ROBO2: variants seen among roughly 807,000 people sequenced by gnomAD.
ROBO2 encodes roundabout homolog 2.
A neutral mutation model predicts 160.8 loss-of-function variants in ROBO2; 53 were observed. That is an observed-to-expected ratio of 0.33 (90% CI 0.26 to 0.41). The LOEUF (loss-of-function observed/expected upper bound fraction) is 0.41, where lower values mean the gene tolerates loss of function less well. Ranked by LOEUF, ROBO2 falls within the 10% of genes least tolerant of loss-of-function variation. The pLI, the probability that ROBO2 is intolerant of heterozygous loss-of-function variation, is 1.00. For synonymous variants in ROBO2, 664 were observed against 611.7 expected, an observed-to-expected ratio of 1.09 and a Z score of -1.26; for missense variants, 1,577 against 1,722.4, an observed-to-expected ratio of 0.92 and a Z score of 1.49.
chr3:76,273,741 C>T (rs1243761420), intron 2 of ROBO2, among the ~76,000 whole-genome samples: 2 of 152,134 alleles, frequency 1.3e-5, no homozygotes, highest in Non-Finnish European at 2.9e-5. Context: ...GAGGTAACCG[C>T]CCCTGTGATT....
At chr3:77,341,175 A>C (rs1433962990) in intron 2 of ROBO2, among the ~76,000 whole-genome samples, 1 of 152,072 alleles carries the variant, frequency 6.6e-6, no homozygotes, top group Admixed American at 6.6e-5. Flanking sequence ...AAACATTTAC[A>C]TTCTGGCCCT....
intron 2 of ROBO2, among the ~76,000 whole-genome samples, chr3:76,725,284 C>T (rs923748483): frequency 3.3e-5 from 5 of 151,906 alleles, no homozygotes; most frequent in African/African-American, 1.2e-4. Context: ...TCTGTTGATT[C>T]TATTTAATAC....
At chr3:77,150,592 AT>A (rs964451194) in intron 2 of ROBO2, among the ~76,000 whole-genome samples, 224 of 150,980 alleles carry the variant, frequency 1.5e-3, no homozygotes, top group Non-Finnish European at 2.5e-3. Context: ...CAGGTAAACT[AT>A]TTTTTTTTCC....
intron 2 of ROBO2, among the ~76,000 whole-genome samples, chr3:76,965,785 G>GTATATATATATATATATATATA (rs62885160): frequency 7.7e-4 from 100 of 129,172 alleles, no homozygotes; most frequent in African/African-American, 1.6e-3. Context: ...TTGTGTTTGT[G>GTATATATATATATATATATATA]TATATATATA....
At chr3:77,594,604 C>T (rs2094255790) in intron 17 of ROBO2, among the ~76,000 whole-genome samples, 1 of 152,130 alleles carries the variant, frequency 6.6e-6, no homozygotes, top group Admixed American at 6.5e-5. Context: ...TTATAGTTCA[C>T]ACCTGTTGTA....
chr3:76,690,560 C>A (rs1032906978), intron 2 of ROBO2, among the ~76,000 whole-genome samples: 3 of 152,172 alleles, frequency 2.0e-5, no homozygotes, highest in Non-Finnish European at 4.4e-5. Flanking sequence ...AAATAAATTT[C>A]TGTTATTTAT....
intron 2 of ROBO2, among the ~76,000 whole-genome samples, chr3:77,337,144 A>G (rs947215998): frequency 6.6e-6 from 1 of 152,216 alleles, no homozygotes; most frequent in Non-Finnish European, 1.5e-5. Flanking sequence ...AACATCGGCA[A>G]TTTCTAGCTG....
intron 2 of ROBO2, among the ~76,000 whole-genome samples, chr3:76,482,149 C>A (rs2079244510): frequency 6.6e-6 from 1 of 152,096 alleles, no homozygotes; most frequent in Admixed American, 6.6e-5. Flanking sequence ...AACTAATAGC[C>A]AACATAGAAT....
At chr3:76,844,995 T>A (rs2068642905) in intron 2 of ROBO2, among the ~76,000 whole-genome samples, 1 of 151,926 alleles carries the variant, frequency 6.6e-6, no homozygotes. Flanking sequence ...TCTAAACTAT[T>A]TTCAGCCTGG....
chr3:77,382,611 C>T (rs574757018), intron 2 of ROBO2, among the ~76,000 whole-genome samples: 25 of 152,152 alleles, frequency 1.6e-4, no homozygotes, highest in Non-Finnish European at 3.1e-4. Context: ...TACCACTCCA[C>T]TCTGTCTGCC....
chr3:76,123,037 G>A (rs1576950562), intron 2 of ROBO2, among the ~76,000 whole-genome samples: 1 of 151,990 alleles, frequency 6.6e-6, no homozygotes. Context: ...ATGAGCCACC[G>A]TGCCCGACCT....
At chr3:76,383,276 T>A (rs568376193) in intron 2 of ROBO2, among the ~76,000 whole-genome samples, 3 of 152,202 alleles carry the variant, frequency 2.0e-5, no homozygotes, top group Non-Finnish European at 4.4e-5. Flanking sequence ...TTCAACTCTG[T>A]TCCCCTTTAT....
At chr3:75,972,080 G>T (rs2065012259) in intron 2 of ROBO2, among the ~76,000 whole-genome samples, 1 of 151,646 alleles carries the variant, frequency 6.6e-6, no homozygotes, top group Non-Finnish European at 1.5e-5. Context: ...GGAAAATGTT[G>T]CTAAGTCAGT....
chr3:77,323,991 T>G (rs1028377503), intron 2 of ROBO2, among the ~76,000 whole-genome samples: 4 of 152,180 alleles, frequency 2.6e-5, no homozygotes, highest in Admixed American at 2.6e-4. Context: ...TCTGTTAGTG[T>G]ATATTCAGAT....
intron 2 of ROBO2, among the ~76,000 whole-genome samples, chr3:76,375,372 T>G (rs1335237351): frequency 6.6e-6 from 1 of 151,976 alleles, no homozygotes; most frequent in Non-Finnish European, 1.5e-5. Context: ...TATCACACTG[T>G]GGAGGTCACT....
intron 17 of ROBO2, among the ~76,000 whole-genome samples, chr3:77,592,322 C>A (rs2094199959): frequency 6.6e-6 from 1 of 151,692 alleles, no homozygotes; most frequent in Non-Finnish European, 1.5e-5. Context: ...ATTTTGACAC[C>A]CTATTAGCAG....
At chr3:76,516,176 G>A (rs1183772371) in intron 2 of ROBO2, among the ~76,000 whole-genome samples, 1 of 152,070 alleles carries the variant, frequency 6.6e-6, no homozygotes, top group Non-Finnish European at 1.5e-5. Flanking sequence ...TCTTGATTTT[G>A]GCTGATAAAT....
At chr3:76,312,996 C>T (rs2071705702) in intron 2 of ROBO2, among the ~76,000 whole-genome samples, 1 of 152,140 alleles carries the variant, frequency 6.6e-6, no homozygotes, top group African/African-American at 2.4e-5. Flanking sequence ...AACATATGAC[C>T]ACTTTTTCCA....
intron 2 of ROBO2, among the ~76,000 whole-genome samples, chr3:76,388,565 T>C (rs1337337968): frequency 6.6e-6 from 1 of 152,150 alleles, no homozygotes; most frequent in African/African-American, 2.4e-5. Context: ...ATTTACCAAA[T>C]CTTATTTGTA....
Sources: gnomAD v4.1 joint callset for allele counts (sites outside exome capture counted in the v4.1 genomes callset) on GRCh38, gnomAD v4.1.1 for gene constraint, MANE v1.5 for transcripts, NCBI Gene and HGNC (gene_info 2026-07-23, HGNC 2026-07-21) for gene names.